The following STXBP5L variants were observed in gnomAD, a reference collection of about 807,000 sequenced individuals.
STXBP5L encodes syntaxin binding protein 5L.
Under a neutral mutation model 144.5 loss-of-function variants are expected in STXBP5L, and 65 were observed. The ratio of observed to expected loss-of-function variants is 0.45; its 90% CI spans 0.37 to 0.55. The LOEUF is 0.55. Among genes scored for constraint, STXBP5L ranks in the 20% least tolerant of loss-of-function variants. The pLI is 0.00. For missense variants in STXBP5L, 1,298 were observed against 1,405.5 expected (o/e 0.92, Z 1.22); for synonymous variants, 505 against 469.6 (o/e 1.08, Z -0.97).
At chr3:121,391,652 G>T (rs138212718) in intron 22 of STXBP5L, among the ~76,000 whole-genome samples, 3 of 152,268 alleles carry the variant, frequency 2.0e-5, no homozygotes, top group African/African-American at 4.8e-5. Context: ...CTCAGCTGCA[G>T]GTCTGTTGGA....
chr3:121,067,777 T>C (rs1269159290), intron 5 of STXBP5L, among the ~76,000 whole-genome samples: 1 of 152,202 alleles, frequency 6.6e-6, no homozygotes, highest in East Asian at 1.9e-4. Flanking sequence ...GTTTTGAATC[T>C]AAGTTGTTGG....
intron 9 of STXBP5L, among the ~76,000 whole-genome samples, chr3:121,160,847 A>T (rs887234119): frequency 6.6e-6 from 1 of 152,044 alleles, no homozygotes; most frequent in South Asian, 2.1e-4. Flanking sequence ...TAATCTAAGC[A>T]TTTTATTTTC....
chr3:121,190,462 CAGACACAGTAACAATCCG>C (rs942178008), intron 9 of STXBP5L, among the ~76,000 whole-genome samples: 6 of 152,384 alleles, frequency 3.9e-5, no homozygotes, highest in Admixed American at 6.5e-5. Context: ...CCCTTCAACA[CAGACACAGTAACAATCCG>C]ATCTCTCTTT....
At position 121,379,939 on chromosome 3, in the gene STXBP5L, A is replaced by G. The variant is rs141187685; in HGVS notation, c.2347+1053A>G. 4.4e-3 allele frequency among the ~76,000 whole-genome samples: 670 copies of G among 152,234 alleles called. 6 individuals are homozygous for G. The highest frequency in any genetic ancestry group is 0.015 in the African/African-American group (628 of 41,542). The stretch of plus-strand genomic sequence containing the variant: ...AGCCTCTAACTCCTGAACTTAAGTG[A>G]TGCTCCTGCCTCAGCCTCCCAAGCA... On this transcript the variant is annotated intron_variant, in intron 21 of 26. Transcript: ENST00000471454.
rs890154167 is a variant in STXBP5L at position 121,394,581 on chromosome 3, T to C, written c.2588-12662T>C. Among the ~76,000 whole-genome samples the C allele has an allele frequency of 2.0e-5, 3 of 151,270 alleles. No homozygotes were observed. In the Admixed American group the frequency reaches 2.0e-4, roughly 10 times the overall value. ...TTTTATTATTTTGAAGCATATTCTTTGTATGTCTAGTTTGTTGAGGGTTTT... is the reference window on the plus strand; with the variant it reads ...TTTTATTATTTTGAAGCATATTCTTCGTATGTCTAGTTTGTTGAGGGTTTT... On this transcript the variant is annotated intron_variant, in intron 22 of 26. Coordinates refer to ENST00000471454, the MANE Select transcript of STXBP5L (RefSeq NM_001308330.2).
chr3:121,376,388 C>A (rs945530926), intron 20 of STXBP5L, among the ~76,000 whole-genome samples: 29 of 152,178 alleles, frequency 1.9e-4, no homozygotes, highest in African/African-American at 6.5e-4. Flanking sequence ...AGTCTTTAAT[C>A]CATCTGGAGT....
chr3:121,106,729 A>G (rs572044649), intron 5 of STXBP5L, among the ~76,000 whole-genome samples: 1 of 152,252 alleles, frequency 6.6e-6, no homozygotes, highest in Admixed American at 6.5e-5. Flanking sequence ...TTCATGATAG[A>G]ATGATTTATA....
At chr3:121,236,627 C>T (rs1427484039) in intron 12 of STXBP5L, among the ~76,000 whole-genome samples, 1 of 152,128 alleles carries the variant, frequency 6.6e-6, no homozygotes, top group East Asian at 1.9e-4. Flanking sequence ...AGGAATCTGC[C>T]CCTGTGAAGG....
intron 3 of STXBP5L, among the ~76,000 whole-genome samples, chr3:120,986,755 G>A (rs773978967): frequency 6.6e-6 from 1 of 151,618 alleles, no homozygotes; most frequent in Non-Finnish European, 1.5e-5. Flanking sequence ...TAAAGAAATA[G>A]CAAACAAAAA....
intron 22 of STXBP5L, among the ~76,000 whole-genome samples, chr3:121,382,166 T>C (rs1263991361): frequency 6.6e-6 from 1 of 152,118 alleles, no homozygotes; most frequent in Non-Finnish European, 1.5e-5. Context: ...TTCTTATCAC[T>C]AATTTTATTG....
intron 9 of STXBP5L, among the ~76,000 whole-genome samples, chr3:121,189,851 CAAAT>C (rs2047565439): frequency 6.6e-6 from 1 of 151,820 alleles, no homozygotes; most frequent in Admixed American, 6.6e-5. Flanking sequence ...TTAAAATAAA[CAAAT>C]AAAAAGTATG....
At chr3:121,062,254 T>G (rs1448960433) in intron 5 of STXBP5L, among the ~76,000 whole-genome samples, 1 of 152,198 alleles carries the variant, frequency 6.6e-6, no homozygotes, top group Non-Finnish European at 1.5e-5. Context: ...TTATGAAGCT[T>G]AGTTTGGCTG....
intron 5 of STXBP5L, among the ~76,000 whole-genome samples, chr3:121,096,460 A>G (rs1438541370): frequency 1.3e-5 from 2 of 152,056 alleles, no homozygotes; most frequent in Non-Finnish European, 2.9e-5. Flanking sequence ...ATTTTCAGCC[A>G]CTTTGCACTG....
intron 9 of STXBP5L, among the ~76,000 whole-genome samples, chr3:121,197,205 C>G (rs548060183): frequency 6.6e-6 from 1 of 152,112 alleles, no homozygotes; most frequent in African/African-American, 2.4e-5. Context: ...ATGTTATGTC[C>G]TTTTTTATGG....
intron 3 of STXBP5L, among the ~76,000 whole-genome samples, chr3:120,970,740 A>AT (rs1358595084): frequency 6.6e-5 from 10 of 151,612 alleles, no homozygotes; most frequent in East Asian, 3.9e-4. Context: ...CATTATTATT[A>AT]TTTTTTTTAC....
chr3:121,191,845 G>T (rs1317072987), intron 9 of STXBP5L, among the ~76,000 whole-genome samples: 1 of 149,096 alleles, frequency 6.7e-6, no homozygotes, highest in Non-Finnish European at 1.5e-5. Flanking sequence ...TTATTGCAAG[G>T]ACAGAAAACC....
intron 2 of STXBP5L, among the ~76,000 whole-genome samples, chr3:120,934,091 C>CTTTTTTTTTTTTTTTT (rs200329422): frequency 2.2e-5 from 3 of 138,066 alleles, no homozygotes; most frequent in Non-Finnish European, 3.1e-5. Flanking sequence ...TTTTCTTTTT[C>CTTTTTTTTTTTTTTTT]TTTTTTTTTT....
At chr3:121,151,036 G>C (rs1319611876) in intron 7 of STXBP5L, among the ~76,000 whole-genome samples, 2 of 151,910 alleles carry the variant, frequency 1.3e-5, no homozygotes, top group Non-Finnish European at 2.9e-5. Flanking sequence ...GCAGTGAGCA[G>C]AGATTGTGCC....
intron 12 of STXBP5L, among the ~76,000 whole-genome samples, chr3:121,236,884 C>T (rs182430556): frequency 6.6e-6 from 1 of 152,304 alleles, no homozygotes; most frequent in Admixed American, 6.5e-5. Flanking sequence ...ATTGGGTAAA[C>T]ATTTCCATTC....
Sources: gnomAD v4.1 joint callset for allele counts (sites outside exome capture counted in the v4.1 genomes callset) on GRCh38, gnomAD v4.1.1 for gene constraint, MANE v1.5 for transcripts, NCBI Gene and HGNC (gene_info 2026-07-23, HGNC 2026-07-21) for gene names.